TENM2: variants seen among roughly 807,000 people sequenced by gnomAD.
TENM2 encodes teneurin-2.
In TENM2, 52 loss-of-function variants were observed where a neutral mutation model predicts 245.2. The observed-to-expected ratio is 0.21, with a 90% CI of 0.17 to 0.27. The LOEUF (loss-of-function observed/expected upper bound fraction) is 0.27. Ranked by LOEUF, TENM2 falls within the 10% of genes least tolerant of loss-of-function variation. The pLI is 1.00. For missense variants in TENM2, 3,046 were observed against 3,666.8 expected, an observed-to-expected ratio of 0.83 and a Z score of 4.37; for synonymous variants, 1,363 against 1,438.9, an observed-to-expected ratio of 0.95 and a Z score of 1.19.
chr5:167,114,143 G>A, the TENM2 span, among the ~76,000 whole-genome samples: 1 of 152,062 alleles, frequency 6.6e-6, no homozygotes, highest in Non-Finnish European at 1.5e-5. Context: ...AGATCATTTT[G>A]TTTTTTTGTT....
intron 2 of TENM2, among the ~76,000 whole-genome samples, chr5:167,746,467 T>TGTC (rs1217418607): frequency 6.6e-6 from 1 of 151,464 alleles, no homozygotes; most frequent in Non-Finnish European, 1.5e-5. Flanking sequence ...AAAAGGTGAA[T>TGTC]GACAAACAGC....
intron 9 of TENM2, among the ~76,000 whole-genome samples, chr5:168,111,440 G>T (rs941496982): frequency 6.6e-6 from 1 of 152,132 alleles, no homozygotes; most frequent in African/African-American, 2.4e-5. Context: ...GGCAGGGGTT[G>T]GGGGAGGGCT....
At position 168,262,712 on chromosome 5, in the gene TENM2, G is replaced by A. The variant is rs768469412; in HGVS notation, c.8227G>A (p.Glu2743Lys). The A allele has an allele frequency of 1.7e-5, 27 of 1,611,150 alleles. No individual in the cohort carries two copies. Among genetic ancestry groups the A allele is most frequent in the South Asian group, 2.2e-5 (2 of 90,088 alleles). ...GAGCACCGGGCGCGTGCAAGGGTAC[G>A]AGGGATATTACGTGCTTCCCGTGGA... Residue 2743 changes from glutamate to lysine, a missense_variant, in exon 29 of 29, where the codon GAG (glutamate) becomes AAG (lysine). This residue lies in a region of TENM2 where 2,704 missense variants were observed against 3,331.9 expected (regional missense o/e 0.81). Transcript: ENST00000518659.
At chr5:167,487,117 T>C (rs972175719) in intron 2 of TENM2, among the ~76,000 whole-genome samples, 1 of 152,188 alleles carries the variant, frequency 6.6e-6, no homozygotes. Flanking sequence ...TATAGTGGTC[T>C]GTGGAGATTT....
At chr5:167,415,101 A>C (rs953517192) in intron 2 of TENM2, among the ~76,000 whole-genome samples, 2 of 152,102 alleles carry the variant, frequency 1.3e-5, no homozygotes, top group African/African-American at 4.8e-5. Context: ...AACAGCATTC[A>C]CTCACTGAAG....
At chr5:167,342,972 C>T (rs1186080333) in intron 1 of TENM2, among the ~76,000 whole-genome samples, 1 of 151,018 alleles carries the variant, frequency 6.6e-6, no homozygotes, top group Non-Finnish European at 1.5e-5. Flanking sequence ...TGGAATTCTT[C>T]TATATGGGAG....
At chr5:167,090,623 A>AT in the TENM2 span, among the ~76,000 whole-genome samples, 4 of 151,908 alleles carry the variant, frequency 2.6e-5, no homozygotes, top group Admixed American at 6.6e-5. Context: ...CCTTGCTGTG[A>AT]TTTTTTTTGA....
intron 3 of TENM2, among the ~76,000 whole-genome samples, chr5:167,931,273 T>C (rs1778259531): frequency 6.6e-6 from 1 of 152,194 alleles, no homozygotes; most frequent in African/African-American, 2.4e-5. Flanking sequence ...TCACCCTGAA[T>C]CAGCTTTTCT....
rs576609583 is a variant in TENM2 at position 167,989,084 on chromosome 5, A to G, written c.948-3860A>G. On this transcript the variant is annotated intron_variant, in intron 4 of 28. Coordinates refer to ENST00000518659, the Ensembl canonical transcript of TENM2. Reference sequence around the variant, plus strand: ...AGGCACTAATGTTTCGACTCTGGAGATAACAGGAGTAAGGAATATCTACCA... The same window carrying G: ...AGGCACTAATGTTTCGACTCTGGAGGTAACAGGAGTAAGGAATATCTACCA... Among the ~76,000 whole-genome samples the G allele has an allele frequency of 2.6e-5, 4 of 152,324 alleles. No individual in the cohort carries two copies. The South Asian group carries it at 8.3e-4, about 32-fold the overall frequency.
rs1231084533 is a variant in TENM2 at position 167,322,231 on chromosome 5, CTGT to C, written c.226+37173_226+37175del. 2.1e-4 allele frequency among the ~76,000 whole-genome samples: 31 copies of C among 148,724 alleles called. 2 individuals are homozygous for C. The highest frequency in any genetic ancestry group is 6.9e-4 in the African/African-American group (28 of 40,356). On this transcript the variant is annotated intron_variant, in intron 1 of 28. Transcript: ENST00000518659. ...AATATTTGTTTTTTTTTTTTTGTTG[CTGT>C]TGTTTTTTGTTTTTTGTTTTTGTTT...
chr5:167,362,851 A>G (rs1341533671), intron 1 of TENM2, among the ~76,000 whole-genome samples: 1 of 152,166 alleles, frequency 6.6e-6, no homozygotes, highest in Non-Finnish European at 1.5e-5. Flanking sequence ...GTAGTTTTAT[A>G]TTTACTATTA....
chr5:168,257,570 C>G (rs1350107422), intron 27 of TENM2, among the ~76,000 whole-genome samples: 1 of 151,360 alleles, frequency 6.6e-6, no homozygotes, highest in African/African-American at 2.4e-5. Flanking sequence ...GTGGGGAGAC[C>G]CTGGGGTGCT....
chr5:167,559,508 TA>T, intron 2 of TENM2, among the ~76,000 whole-genome samples: 1 of 152,336 alleles, frequency 6.6e-6, no homozygotes, highest in East Asian at 1.9e-4. Flanking sequence ...TGAGCACAGC[TA>T]AACAAATGGT....
intron 2 of TENM2, among the ~76,000 whole-genome samples, chr5:167,635,333 C>T (rs986207879): frequency 1.1e-4 from 16 of 152,244 alleles, no homozygotes; most frequent in African/African-American, 2.4e-4. Flanking sequence ...TAGCAAACCA[C>T]AGTTTGTTTT....
chr5:167,904,535 G>A (rs939120565), intron 3 of TENM2, among the ~76,000 whole-genome samples: 1 of 152,068 alleles, frequency 6.6e-6, no homozygotes, highest in Admixed American at 6.5e-5. Context: ...CCTACCACAC[G>A]CTGGATACTG....
At chr5:167,378,981 G>A (rs1241349272) in intron 2 of TENM2, among the ~76,000 whole-genome samples, 7 of 151,672 alleles carry the variant, frequency 4.6e-5, no homozygotes, top group Admixed American at 4.6e-4. Context: ...TATGAAATAG[G>A]AAGCTAGAAA....
At position 167,682,651 on chromosome 5, in the gene TENM2, G is replaced by A. The variant is rs117387302; in HGVS notation, c.503-193335G>A. Among the ~76,000 whole-genome samples the A allele has an allele frequency of 2.2e-4, 33 of 152,026 alleles. No individual in the cohort carries two copies. In the East Asian group the frequency reaches 4.5e-3, roughly 21 times the overall value. Reference sequence around the variant, plus strand: ...TTTATATGGAGATTCTTTGTTAACCGTTCGTATTTATATGTACAGGCAGAG... The same window carrying A: ...TTTATATGGAGATTCTTTGTTAACCATTCGTATTTATATGTACAGGCAGAG... On this transcript the variant is annotated intron_variant, in intron 2 of 28. Coordinates refer to ENST00000518659, the Ensembl canonical transcript of TENM2.
intron 12 of TENM2, among the ~76,000 whole-genome samples, chr5:168,142,462 C>T (rs760945108): frequency 6.6e-6 from 1 of 152,188 alleles, no homozygotes; most frequent in African/African-American, 2.4e-5. Context: ...TTAAAACAAA[C>T]AATTTCAGCG....
rs1759169403 is a variant in TENM2, at chr5:167,715,049, T to C, written c.503-160937T>C. ...AGTATCTACTTTATACTGATTTTAG[T>C]GTGAGGCTCAAAGGATGCCAAGAAA... On this transcript the variant is annotated intron_variant, in intron 2 of 28. Coordinates refer to ENST00000518659, the Ensembl canonical transcript of TENM2. Among the ~76,000 whole-genome samples, 4 of 152,188 alleles carry C rather than the reference T, an allele frequency of 2.6e-5. No individual in the cohort carries two copies. The South Asian group carries it at 8.3e-4, about 31-fold the overall frequency.
Sources: allele counts gnomAD v4.1 joint callset (sites outside exome capture counted in the v4.1 genomes callset), GRCh38; gene constraint gnomAD v4.1.1; regional missense constraint gnomAD v4.1.1; transcripts MANE v1.5; gene names NCBI Gene and HGNC (gene_info 2026-07-23, HGNC 2026-07-21).